The following A2ML1 variants were observed in gnomAD, a reference collection of about 807,000 sequenced individuals.
A2ML1 encodes alpha-2-macroglobulin-like protein 1.
A2ML1 carries 161 observed loss-of-function variants against 181.9 expected under a neutral mutation model. That is an observed-to-expected ratio of 0.89 (90% CI 0.78 to 1.01). A2ML1 has a LOEUF of 1.01. Ranked by LOEUF, A2ML1 falls within the 50% of genes least tolerant of loss-of-function variation. A2ML1 has a pLI of 0.00. For missense variants in A2ML1, 1,670 were observed against 1,768.1 expected, an observed-to-expected ratio of 0.94 and a Z score of 1.00; for synonymous variants, 663 against 666.8, an observed-to-expected ratio of 0.99 and a Z score of 0.09.
At chr12:8,880,370 A>T (rs1341612523), downstream of A2ML1, among the ~76,000 whole-genome samples, 1 of 152,158 alleles carries the variant, frequency 6.6e-6, no homozygotes, top group Non-Finnish European at 1.5e-5. Flanking sequence ...CTGTCTAAAA[A>T]AAAGAGGTGG....
intron 4 of A2ML1, among the ~76,000 whole-genome samples, chr12:8,830,150 T>C: frequency 6.6e-6 from 1 of 152,094 alleles, no homozygotes; most frequent in East Asian, 1.9e-4. Flanking sequence ...CTCCTGGGTT[T>C]AAGCAATTCT....
Position 8,876,120 on chromosome 12 carries a change from G to A in A2ML1, c.*64G>A, listed in dbSNP as rs1944793981. On this transcript the variant is annotated 3_prime_UTR_variant, in exon 36 of 36. Transcript: ENST00000299698. The stretch of plus-strand genomic sequence containing the variant: ...TTACTGGAGGGTGGAACATTCTTCT[G>A]TCGCTTGAAGCAGAACTCATTCAAT... The A allele has an allele frequency of 6.6e-6, 1 of 152,120 alleles. No individual in the cohort carries two copies. Among genetic ancestry groups the A allele is most frequent in the Non-Finnish European group, 1.5e-5 (1 of 68,032 alleles). The allele number at this position is 152,120 out of a possible 1,614,324, so 9.4% of individuals were successfully genotyped here.
rs185487647 is a variant in A2ML1 at position 8,863,785 on chromosome 12, T to A, written c.3503-9T>A. 38 of 1,613,964 alleles carry A rather than the reference T, an allele frequency of 2.4e-5. No individual in the cohort carries two copies. In the Admixed American group the frequency reaches 6.2e-4, roughly 26 times the overall value. On this transcript the variant is annotated splice_polypyrimidine_tract_variant and intron_variant, in intron 28 of 35. Coordinates refer to ENST00000299698, the MANE Select transcript of A2ML1 (RefSeq NM_144670.6). Reference sequence around the variant, plus strand: ...TAAGGACATCCTAGTTATGTTTCTTTTTCCATAGGAGAATCCATTTACTGG... The same window carrying A: ...TAAGGACATCCTAGTTATGTTTCTTATTCCATAGGAGAATCCATTTACTGG...
At chr12:8,842,732 G>A (rs1258070562) in intron 11 of A2ML1, among the ~76,000 whole-genome samples, 1 of 151,796 alleles carries the variant, frequency 6.6e-6, no homozygotes, top group Non-Finnish European at 1.5e-5. Context: ...CTTTACTCTA[G>A]GCATGACTCA....
chr12:8,852,483 A>G lies in A2ML1; in HGVS notation c.2590+147A>G. The G allele has an allele frequency of 8.4e-7, 1 of 1,191,466 alleles. No individual in the cohort carries two copies. Among genetic ancestry groups the G allele is most frequent in the Non-Finnish European group, 1.2e-6 (1 of 852,380 alleles). 73.8% of individuals were successfully genotyped at this position (1,191,466 alleles called of 1,614,324 possible). ...TCCCTCCTAAGGCTGTTATAAGTCA[A>G]TACACAAACACTCTTTGATAGGTGA... On this transcript the variant is annotated intron_variant, in intron 20 of 35. Coordinates refer to ENST00000299698, the MANE Select transcript of A2ML1 (RefSeq NM_144670.6). The surrounding 1 kb of genome is among the most constrained non-coding windows in gnomAD (Gnocchi z 4.2).
chr12:8,836,248 T>C lies in A2ML1; in HGVS notation c.644-7T>C. 1.9e-6 allele frequency: 3 copies of C among 1,613,398 alleles called. No homozygotes were observed. Among genetic ancestry groups the C allele is most frequent in the Non-Finnish European group, 2.5e-6 (3 of 1,179,370 alleles). On this transcript the variant is annotated splice_region_variant and splice_polypyrimidine_tract_variant and intron_variant, in intron 6 of 35. Coordinates refer to ENST00000299698, the MANE Select transcript of A2ML1 (RefSeq NM_144670.6). ...GCTTTCTCCATTTCTCCTTTTACTC[T>C]CTTCAGTGCTGCCGAAGTTTAAGGT...
In A2ML1 at chr12:8,864,588, G is replaced by T. The variant is rs184399175; in HGVS notation, c.3717+580G>T. 7.3e-3 allele frequency among the ~76,000 whole-genome samples: 104 copies of T among 14,288 alleles called. 45 individuals are homozygous for T. The highest frequency in any genetic ancestry group is 7.7e-3 in the African/African-American group (104 of 13,440). The allele number at this position is 14,288 out of a possible 152,430, so 9.4% of individuals were successfully genotyped here. A position where few individuals can be genotyped will look rare whatever the true frequency, so the allele number is the denominator to read the frequency against. ...TGCAAGTAGGATATATATAATTATG[G>T]CTAAATGTACATATTAATAAACTAG... is the stretch of plus-strand genomic sequence containing the variant. On this transcript the variant is annotated intron_variant, in intron 29 of 35. Coordinates refer to ENST00000299698, the MANE Select transcript of A2ML1 (RefSeq NM_144670.6).
chr12:8,853,142 A>T (rs1362805463), intron 20 of A2ML1, among the ~76,000 whole-genome samples: 1 of 151,786 alleles, frequency 6.6e-6, no homozygotes, highest in East Asian at 1.9e-4. Context: ...CTATAGGCTC[A>T]TGCCACCACC....
chr12:8,846,077 G>T lies in A2ML1; in HGVS notation c.1538G>T (p.Gly513Val), dbSNP rs778007463. ...CTGTATATTCCCTCTTCTCTTTCAG[G>T]ACTGAAAGCCTCCTTCTCTCTCTCA... ...GQKHLNSKKK[G>V]LKASFSLSLT... Residue 513 changes from glycine (G) to valine (V), a missense_variant and splice_region_variant, in exon 14 of 36, where the codon GGA (glycine) becomes GTA (valine). Transcript: ENST00000299698. 3 of 1,613,898 alleles carry T rather than the reference G, an allele frequency of 1.9e-6. No homozygotes were observed. The highest frequency in any genetic ancestry group is 1.7e-6 in the Non-Finnish European group (2 of 1,179,980).
intron 35 of A2ML1, chr12:8,875,830 A>T (rs1276175014): frequency 1.3e-5 from 2 of 152,142 alleles, no homozygotes. Flanking sequence ...AAATGGATTG[A>T]TTTTTCCTGA....
In A2ML1 at chr12:8,845,861, A is replaced by AT. The variant is rs1206316035; in HGVS notation, c.1538-216_1538-215insT. 4.6e-3 allele frequency among the ~76,000 whole-genome samples: 400 copies of AT among 87,336 alleles called. 6 individuals are homozygous for AT. Among genetic ancestry groups the AT allele is most frequent in the African/African-American group, 3.5e-3 (61 of 17,306 alleles). The allele number at this position is 87,336 out of a possible 152,430, so 57.3% of individuals were successfully genotyped here. A position where few individuals can be genotyped will look rare whatever the true frequency, so the allele number is the denominator to read the frequency against. Reference sequence around the variant, plus strand: ...CGAGACTCCGTCTCAAAAAAAAAAAAAAATAAATAAAATAAAATAAAATAA... The same window carrying AT: ...CGAGACTCCGTCTCAAAAAAAAAAAATAAATAAATAAAATAAAATAAAATAA... On this transcript the variant is annotated intron_variant, in intron 13 of 35. Transcript: ENST00000299698.
chr12:8,839,369 G>A (rs1943392032), intron 10 of A2ML1, 147 bp downstream of exon 10: 1 of 548,878 alleles, frequency 1.8e-6, no homozygotes, highest in Non-Finnish European at 3.2e-6. Flanking sequence ...AATGCAATGA[G>A]GCAGGCACTG....
At chr12:8,831,326 C>A (rs1243595323) in intron 4 of A2ML1, among the ~76,000 whole-genome samples, 3 of 152,172 alleles carry the variant, frequency 2.0e-5, no homozygotes, top group African/African-American at 7.2e-5. Context: ...GCGTGGCCCG[C>A]AGCAGCACTA....
At position 8,864,065 on chromosome 12, in the gene A2ML1, G is replaced by C. The variant is rs1341886264; in HGVS notation, c.3717+57G>C. 3.9e-6 allele frequency: 6 copies of C among 1,527,304 alleles called. No homozygotes were observed. In the South Asian group the frequency reaches 7.0e-5, roughly 18 times the overall value. The allele number at this position is 1,527,304 out of a possible 1,614,324, so 94.6% of individuals were successfully genotyped here. A position where few individuals can be genotyped will look rare whatever the true frequency, so the allele number is the denominator to read the frequency against. ...CAGGTAGAATTAGATCTTGTGTGGA[G>C]ATAGAGGAAAACATATTGTCCTTGC... On this transcript the variant is annotated intron_variant, in intron 29 of 35. Transcript: ENST00000299698.
At chr12:8,855,484 TCA>T in intron 22 of A2ML1, 23 bp from the exon 23 acceptor site, 1 of 1,611,696 alleles carries the variant, frequency 6.2e-7, no homozygotes, top group South Asian at 1.1e-5. Flanking sequence ...TTCTATTGTG[TCA>T]CCTTTTTTTC....
chr12:8,850,100 T>A, intron 17 of A2ML1, 60 bp from the exon 18 acceptor site: 5 of 1,346,246 alleles, frequency 3.7e-6, no homozygotes, highest in Non-Finnish European at 5.1e-6. Flanking sequence ...TCCATCCCAA[T>A]TTATGTCACA....
chr12:8,843,050 C>A, intron 11 of A2ML1, 84 bp from the exon 12 acceptor site: 1 of 1,198,014 alleles, frequency 8.3e-7, no homozygotes, highest in Non-Finnish European at 1.2e-6. Context: ...AGAGAAAGAG[C>A]TCTATTTGAA....
chr12:8,850,049 G>T (rs537030867), intron 17 of A2ML1, 111 bp from the exon 18 acceptor site: 390 of 838,774 alleles, frequency 4.6e-4, no homozygotes, highest in Admixed American at 9.1e-4. Flanking sequence ...CCTCTGACTG[G>T]ATGTTCTCTG....
intron 12 of A2ML1, among the ~76,000 whole-genome samples, chr12:8,844,701 GA>G (rs200769967): frequency 1.9e-3 from 262 of 141,076 alleles, no homozygotes; most frequent in East Asian, 0.018. Flanking sequence ...GTCGTTAAGT[GA>G]AAAAAAAAAA....
Sources: allele counts gnomAD v4.1 joint callset (sites outside exome capture counted in the v4.1 genomes callset), GRCh38; gene constraint gnomAD v4.1.1; non-coding constraint Gnocchi (gnomAD v3.1); transcripts MANE v1.5; gene names NCBI Gene and HGNC (gene_info 2026-07-23, HGNC 2026-07-21).